DMXL2: variants seen among roughly 807,000 people sequenced by gnomAD.
The protein encoded by DMXL2 is Dmx like 2.
DMXL2 carries 103 observed loss-of-function variants against 331.1 expected under a neutral mutation model. That is an observed-to-expected ratio of 0.31 (90% CI 0.27 to 0.37). The LOEUF is 0.37. Ranked by LOEUF, DMXL2 falls within the 10% of genes least tolerant of loss-of-function variation. DMXL2 has a pLI of 1.00. For synonymous variants in DMXL2, 1,281 were observed against 1,252.1 expected, an observed-to-expected ratio of 1.02 and a Z score of -0.49; for missense variants, 3,171 against 3,642.9, an observed-to-expected ratio of 0.87 and a Z score of 3.33.
At chr15:51,559,659 T>C (rs1688616800) in intron 6 of DMXL2, among the ~76,000 whole-genome samples, 6 of 152,062 alleles carry the variant, frequency 3.9e-5, no homozygotes, top group South Asian at 4.2e-4. Context: ...AGTTCAAGGT[T>C]ACAGTGAGCT....
chr15:51,452,379 C>T (rs1747163843), intron 41 of DMXL2, among the ~76,000 whole-genome samples: 1 of 152,022 alleles, frequency 6.6e-6, no homozygotes, highest in African/African-American at 2.4e-5. Context: ...TGACAAGGGA[C>T]TTATATCTAG....
At chr15:51,512,972 G>C (rs2046843664) in intron 15 of DMXL2, among the ~76,000 whole-genome samples, 1 of 151,980 alleles carries the variant, frequency 6.6e-6, no homozygotes, top group Admixed American at 6.6e-5. Flanking sequence ...TTAACTAAAA[G>C]GGTAATTAAC....
At position 51,507,126 on chromosome 15, in the gene DMXL2, T is replaced by A; in HGVS notation, c.2764+8A>T. On this transcript the variant is annotated splice_region_variant and intron_variant, in intron 16 of 43. Coordinates refer to ENST00000560891, the MANE Select transcript of DMXL2 (RefSeq NM_001378457.1). The stretch of plus-strand genomic sequence containing the variant: ...GTATCATCTCTGTATAAAACTATAA[T>A]TACTTACCTAAACATGCTTGTACAG... The A allele has an allele frequency of 1.9e-6, 3 of 1,581,946 alleles. No homozygotes were observed. Among genetic ancestry groups the A allele is most frequent in the Non-Finnish European group, 2.6e-6 (3 of 1,163,032 alleles).
chr15:51,592,857 C>A (rs2052493857), intron 1 of DMXL2, among the ~76,000 whole-genome samples: 1 of 152,142 alleles, frequency 6.6e-6, no homozygotes, highest in African/African-American at 2.4e-5. Flanking sequence ...TATAGACAAG[C>A]AAATGCTGAG....
rs375061996 is a variant in DMXL2, at chr15:51,488,680, G to C, written c.4954-35C>G. The C allele has an allele frequency of 2.6e-6, 4 of 1,525,858 alleles. No individual in the cohort carries two copies. The African/African-American group carries it at 4.2e-5, about 16-fold the overall frequency. 94.5% of individuals were successfully genotyped at this position (1,525,858 alleles called of 1,614,324 possible). On this transcript the variant is annotated intron_variant, in intron 20 of 43. Transcript: ENST00000560891. Reference sequence around the variant, plus strand: ...AAATAAAATATTAAATTCACAATTTGACATAAGAATTACAATCAATTAATC... The same window carrying C: ...AAATAAAATATTAAATTCACAATTTCACATAAGAATTACAATCAATTAATC...
chr15:51,607,732 G>GA (rs914302021), intron 1 of DMXL2, among the ~76,000 whole-genome samples: 6 of 152,032 alleles, frequency 3.9e-5, no homozygotes, highest in Non-Finnish European at 8.8e-5. Flanking sequence ...GCAACTAAGA[G>GA]AAAAAAATAT....
At chr15:51,566,235 GTGTGTGTGTGTGTGTGTGTGTGT>G (rs2050274379) in intron 3 of DMXL2, among the ~76,000 whole-genome samples, 2 of 1,618 alleles carry the variant, frequency 1.2e-3, no homozygotes, top group Non-Finnish European at 7.4e-3. Context: ...TGTGTGGGGT[GTGTGTGTGTGTGTGTGTGTGTGT>G]GTGTGTGTGT....
intron 1 of DMXL2, among the ~76,000 whole-genome samples, chr15:51,610,659 T>C (rs1567184044): frequency 6.6e-6 from 1 of 151,838 alleles, no homozygotes; most frequent in Non-Finnish European, 1.5e-5. Flanking sequence ...TCCCAGCTAC[T>C]TGGGAGGCTA....
intron 6 of DMXL2, among the ~76,000 whole-genome samples, chr15:51,551,916 T>A (rs959599796): frequency 4.6e-5 from 7 of 152,340 alleles, no homozygotes; most frequent in Admixed American, 3.3e-4. Flanking sequence ...GGAAAGTATT[T>A]AATAAGGAGA....
intron 9 of DMXL2, among the ~76,000 whole-genome samples, chr15:51,542,085 G>C (rs190300049): frequency 6.6e-6 from 1 of 152,222 alleles, no homozygotes; most frequent in East Asian, 1.9e-4. Context: ...TAATTTACTA[G>C]GAATGCTTGT....
intron 13 of DMXL2, among the ~76,000 whole-genome samples, chr15:51,520,644 G>A (rs917763841): frequency 4.6e-5 from 7 of 152,094 alleles, no homozygotes; most frequent in African/African-American, 1.7e-4. Context: ...ATCACCTGAG[G>A]TCAAAAGTTT....
At position 51,471,300 on chromosome 15, in the gene DMXL2, C is replaced by A; in HGVS notation, c.7315G>T (p.Val2439Leu). 6.2e-7 allele frequency: 1 copy of A among 1,613,992 alleles called. No individual in the cohort carries two copies. Residue 2439 changes from valine to leucine, a missense_variant, in exon 29 of 44, where the codon GTG becomes TTG. Physicochemically the swap from Val to Leu is conservative, Grantham distance 32. Around this residue, in one of 7 missense-constraint regions of DMXL2, gnomAD observed 766 missense variants for 940.5 expected, o/e 0.81. Coordinates refer to ENST00000560891, the MANE Select transcript of DMXL2 (RefSeq NM_001378457.1). ...TTGTAAGATGGTCTTTCTGCAGGCA[C>A]CGGTGGTGGGGTAGCATCTTTTACA... ...RPVKDATPPPVPAERPSYKEK... is the reference protein window; with the variant it reads ...RPVKDATPPPLPAERPSYKEK...
chr15:51,503,086 T>C, intron 16 of DMXL2, 53 bp from the exon 17 acceptor site: 2 of 1,163,442 alleles, frequency 1.7e-6, no homozygotes, highest in Admixed American at 2.4e-5. Context: ...TTACTATAAA[T>C]AGGAGCTAGA....
At chr15:51,572,671 C>T (rs1373160992) in intron 2 of DMXL2, among the ~76,000 whole-genome samples, 1 of 152,072 alleles carries the variant, frequency 6.6e-6, no homozygotes, top group Non-Finnish European at 1.5e-5. Context: ...ATAAAGAGAA[C>T]CGATGACAAA....
At chr15:51,615,019 C>G (rs573831017) in intron 1 of DMXL2, among the ~76,000 whole-genome samples, 1 of 152,036 alleles carries the variant, frequency 6.6e-6, no homozygotes, top group Non-Finnish European at 1.5e-5. Flanking sequence ...AGATTCTGGA[C>G]GCATTTTGAA....
chr15:51,480,530 T>C lies in DMXL2; in HGVS notation c.6564+12A>G, dbSNP rs1452213311. 2 of 1,481,800 alleles carry C rather than the reference T, an allele frequency of 1.3e-6. No individual in the cohort carries two copies. Among genetic ancestry groups the C allele is most frequent in the Admixed American group, 2.3e-5 (1 of 43,454 alleles). 91.8% of individuals were successfully genotyped at this position (1,481,800 alleles called of 1,614,324 possible). A position where few individuals can be genotyped will look rare whatever the true frequency, so the allele number is the denominator to read the frequency against. On this transcript the variant is annotated intron_variant, in intron 24 of 43. Transcript: ENST00000560891. ...GAAATAACCAAGATTGAAAAAAAAG[T>C]GATATTCACACCTGTTGTGATTCTT...
At chr15:51,599,479 A>G (rs2141300905) in intron 1 of DMXL2, among the ~76,000 whole-genome samples, 1 of 152,352 alleles carries the variant, frequency 6.6e-6, no homozygotes, top group African/African-American at 2.4e-5. Context: ...TTAGGATCAA[A>G]GACACACCAA....
chr15:51,482,309 T>C (rs1340873953), intron 23 of DMXL2, among the ~76,000 whole-genome samples: 2 of 152,156 alleles, frequency 1.3e-5, no homozygotes, highest in East Asian at 1.9e-4. Context: ...AATCATGTTA[T>C]TATAAAAATA....
chr15:51,483,005 C>T (rs775672992), intron 23 of DMXL2, among the ~76,000 whole-genome samples: 5 of 150,150 alleles, frequency 3.3e-5, no homozygotes, highest in Admixed American at 1.3e-4. Context: ...CTATCTCCCC[C>T]ACCCAGACTG....
Sources: gnomAD v4.1 joint callset for allele counts (sites outside exome capture counted in the v4.1 genomes callset) on GRCh38, gnomAD v4.1.1 for gene constraint, gnomAD v4.1.1 regional missense constraint, MANE v1.5 for transcripts, NCBI Gene and HGNC (gene_info 2026-07-23, HGNC 2026-07-21) for gene names.